The following MYT1L variants were observed in gnomAD, a reference collection of about 807,000 sequenced individuals.
MYT1L encodes myelin transcription factor 1-like protein.
In MYT1L, 12 loss-of-function variants were observed where a neutral mutation model predicts 126.7. The ratio of observed to expected loss-of-function variants is 0.09; its 90% CI spans 0.06 to 0.15. The LOEUF (loss-of-function observed/expected upper bound fraction) is 0.15. Ranked by LOEUF, MYT1L falls within the 10% of genes least tolerant of loss-of-function variation. The probability of loss-of-function intolerance (pLI) is 1.00; values close to 1 mark genes in which losing one functional copy is unlikely to be tolerated. For missense variants in MYT1L, 979 were observed against 1,585.2 expected (o/e 0.62, Z 6.49); for synonymous variants, 541 against 604.2 (o/e 0.90, Z 1.53).
intron 21 of MYT1L, chr2:1,824,769 G>A (rs1293133755): frequency 6.6e-6 from 1 of 152,096 alleles, no homozygotes; most frequent in Non-Finnish European, 1.5e-5. Context: ...GCAGTATCCC[G>A]GCTGATGCAT....
In MYT1L at chr2:1,852,930, A is replaced by G. The variant is rs2043459356; in HGVS notation, c.2712-1227T>C. On this transcript the variant is annotated intron_variant, in intron 18 of 24. Transcript: ENST00000647738. This position sits in a 1 kb window ranked among gnomAD's most constrained non-coding sequence, Gnocchi z 4.0. ...TATGGATAGGGTACTGGGGGCTGAG[A>G]CCAGGACGGCAAAGTGCTTGCTTAC... 6.6e-6 allele frequency among the ~76,000 whole-genome samples: 1 copy of G among 152,218 alleles called. No homozygotes were observed. The highest frequency in any genetic ancestry group is 1.5e-5 in the Non-Finnish European group (1 of 68,040).
At chr2:2,004,320 G>GAGTTCTTTCCTGCAT in intron 4 of MYT1L, among the ~76,000 whole-genome samples, 1 of 20,372 alleles carries the variant, frequency 4.9e-5, no homozygotes, top group African/African-American at 2.4e-4. Context: ...CTTTCCTGCA[G>GAGTTCTTTCCTGCAT]GCGTTCTTTC....
chr2:1,951,106 C>T (rs1317610068), intron 8 of MYT1L, among the ~76,000 whole-genome samples: 1 of 151,960 alleles, frequency 6.6e-6, no homozygotes, highest in African/African-American at 2.4e-5. Flanking sequence ...ACAGGTGATT[C>T]TCTATAATCT....
At chr2:1,868,994 C>A (rs1391237120) in intron 18 of MYT1L, among the ~76,000 whole-genome samples, 2 of 152,226 alleles carry the variant, frequency 1.3e-5, no homozygotes, top group African/African-American at 4.8e-5. Flanking sequence ...AGCCCAGGAA[C>A]CTTTGGAACA....
At chr2:1,874,445 T>A (rs1291100843) in intron 18 of MYT1L, among the ~76,000 whole-genome samples, 1 of 152,150 alleles carries the variant, frequency 6.6e-6, no homozygotes, top group Non-Finnish European at 1.5e-5. Flanking sequence ...TGGCCAGACT[T>A]ATCTCTCAGC....
At chr2:2,236,829 TTTTG>T (rs2094333235) in intron 2 of MYT1L, among the ~76,000 whole-genome samples, 1 of 135,212 alleles carries the variant, frequency 7.4e-6, no homozygotes, top group Non-Finnish European at 1.5e-5. Context: ...TTTTTTTTTT[TTTTG>T]ATGGAGTTTC....
At chr2:1,901,377 T>G (rs557134291) in intron 14 of MYT1L, among the ~76,000 whole-genome samples, 15 of 152,324 alleles carry the variant, frequency 9.8e-5, no homozygotes, top group Admixed American at 3.3e-4. Flanking sequence ...TTAGGAGAAC[T>G]TAATTTCTTT....
intron 8 of MYT1L, among the ~76,000 whole-genome samples, chr2:1,963,485 C>A (rs1388654382): frequency 6.6e-6 from 1 of 152,152 alleles, no homozygotes; most frequent in Admixed American, 6.5e-5. Context: ...AGCTTTGAAC[C>A]CAGATATTGA....
chr2:2,202,813 CA>C (rs1188105039), intron 2 of MYT1L, among the ~76,000 whole-genome samples: 2 of 151,962 alleles, frequency 1.3e-5, no homozygotes, highest in African/African-American at 4.8e-5. Flanking sequence ...GGCAGAGACA[CA>C]ACAAAAAAAG....
chr2:2,023,521 C>A (rs12468174), intron 4 of MYT1L, among the ~76,000 whole-genome samples: 18,043 of 152,142 alleles, frequency 0.12, 1,149 homozygotes, highest in East Asian at 0.31. Context: ...GCCTAATATC[C>A]AGTGGGTGTG....
chr2:2,105,845 T>C (rs2078683312), intron 3 of MYT1L, among the ~76,000 whole-genome samples: 1 of 152,100 alleles, frequency 6.6e-6, no homozygotes, highest in Non-Finnish European at 1.5e-5. Flanking sequence ...GAGGTTTACG[T>C]GTATGTGTTT....
At position 2,077,794 on chromosome 2, in the gene MYT1L, C is replaced by T. The variant is rs529051601; in HGVS notation, c.-303-23671G>A. 6.6e-4 allele frequency among the ~76,000 whole-genome samples: 101 copies of T among 152,180 alleles called. 1 individual carries two copies. The highest frequency in any genetic ancestry group is 1.1e-3 in the Non-Finnish European group (76 of 67,982). ...AAACAGAGAATTTATTGCTAGAAGA[C>T]GTGTCGTTTTAGAAATACTAAAGGG... On this transcript the variant is annotated intron_variant, in intron 3 of 24. Transcript: ENST00000647738.
intron 2 of MYT1L, among the ~76,000 whole-genome samples, chr2:2,271,150 C>T (rs1054721494): frequency 6.6e-6 from 1 of 152,118 alleles, no homozygotes; most frequent in Non-Finnish European, 1.5e-5. Context: ...GACAAGTAAC[C>T]CTTTTGTTTT....
intron 14 of MYT1L, among the ~76,000 whole-genome samples, chr2:1,898,439 G>A (rs756438670): frequency 6.6e-6 from 1 of 152,210 alleles, no homozygotes; most frequent in Non-Finnish European, 1.5e-5. Flanking sequence ...AAGGCACACG[G>A]TCTACTTGCT....
intron 2 of MYT1L, among the ~76,000 whole-genome samples, chr2:2,208,455 G>A (rs1469406703): frequency 1.3e-5 from 2 of 152,104 alleles, no homozygotes; most frequent in Non-Finnish European, 2.9e-5. Context: ...GTGCAAGCAG[G>A]TGCAGTGCCA....
At chr2:1,954,830 C>T (rs899623882) in intron 8 of MYT1L, among the ~76,000 whole-genome samples, 10 of 151,560 alleles carry the variant, frequency 6.6e-5, no homozygotes, top group East Asian at 3.9e-4. Context: ...TTTGGGAGGC[C>T]GAGATGGGTG....
chr2:2,188,383 T>C (rs554106648), intron 2 of MYT1L, among the ~76,000 whole-genome samples: 3 of 152,328 alleles, frequency 2.0e-5, no homozygotes, highest in Admixed American at 1.3e-4. Context: ...GAACACACAC[T>C]GCCAATCCCC....
Position 1,946,468 on chromosome 2 carries a change from G to A in MYT1L, c.153-3134C>T, listed in dbSNP as rs1375060355. On this transcript the variant is annotated intron_variant, in intron 8 of 24. Coordinates refer to ENST00000647738, the MANE Select transcript of MYT1L (RefSeq NM_001303052.2). ...CCAGGAAGACACAAGCATGGGGTAG[G>A]GGCAAGAGCTGAGGGACTTCATTGC... 2.6e-5 allele frequency among the ~76,000 whole-genome samples: 4 copies of A among 152,064 alleles called. No homozygotes were observed. The South Asian group carries it at 8.3e-4, about 32-fold the overall frequency.
At chr2:2,240,768 C>T (rs2094423820) in intron 2 of MYT1L, among the ~76,000 whole-genome samples, 1 of 152,222 alleles carries the variant, frequency 6.6e-6, no homozygotes, top group African/African-American at 2.4e-5. Flanking sequence ...GTGTCACTCT[C>T]CCCGCCAGCC....
Sources: allele counts gnomAD v4.1 joint callset (sites outside exome capture counted in the v4.1 genomes callset), GRCh38; gene constraint gnomAD v4.1.1; non-coding constraint Gnocchi (gnomAD v3.1); transcripts MANE v1.5; gene names NCBI Gene and HGNC (gene_info 2026-07-23, HGNC 2026-07-21).